CNTN4: variants seen among roughly 807,000 people sequenced by gnomAD.
CNTN4 encodes contactin 4.
A neutral mutation model predicts 122.5 loss-of-function variants in CNTN4; 77 were observed. The ratio of observed to expected loss-of-function variants is 0.63; its 90% CI spans 0.52 to 0.76. CNTN4 has a LOEUF of 0.76. Among genes scored for constraint, CNTN4 ranks in the 30% least tolerant of loss-of-function variants. The pLI is 0.00. For synonymous variants in CNTN4, 512 were observed against 447.0 expected (o/e 1.15, Z -1.83); for missense variants, 1,256 against 1,259.1 (o/e 1.00, Z 0.04).
intron 6 of CNTN4, among the ~76,000 whole-genome samples, chr3:2,768,043 A>G (rs1335073563): frequency 6.6e-6 from 1 of 152,250 alleles, no homozygotes; most frequent in African/African-American, 2.4e-5. Flanking sequence ...ACAGAAATGT[A>G]GGTAAAATGG....
In CNTN4 at chr3:2,616,636, G is replaced by A. The variant is rs140881408; in HGVS notation, c.55+45078G>A. Among the ~76,000 whole-genome samples the A allele has an allele frequency of 8.4e-4, 128 of 152,138 alleles. 1 individual carries two copies. In the East Asian group the frequency reaches 0.019, roughly 23 times the overall value. On this transcript the variant is annotated intron_variant, in intron 4 of 24. Coordinates refer to ENST00000418658, the MANE Select transcript of CNTN4 (RefSeq NM_175607.3). ...CCTATTTCTCCATAGTGTCACCAGC[G>A]TCTATTGTTTCTTGACTTTTTAATA...
intron 13 of CNTN4, among the ~76,000 whole-genome samples, chr3:2,943,457 C>T (rs905995707): frequency 5.3e-5 from 8 of 151,938 alleles, no homozygotes; most frequent in African/African-American, 9.7e-5. Flanking sequence ...AAGGAACACT[C>T]GGCAGGTTCT....
intron 13 of CNTN4, among the ~76,000 whole-genome samples, chr3:2,932,208 T>A (rs576883923): frequency 9.2e-5 from 14 of 152,044 alleles, no homozygotes; most frequent in African/African-American, 3.4e-4. Context: ...AAACCCTCTC[T>A]TTACTAAAAA....
chr3:2,873,780 G>A (rs984058421), intron 8 of CNTN4, among the ~76,000 whole-genome samples: 8 of 152,130 alleles, frequency 5.3e-5, no homozygotes, highest in East Asian at 1.9e-4. Context: ...GATTGGAGAC[G>A]TGATCTACAA....
At chr3:2,235,107 A>G (rs1378597293) in intron 2 of CNTN4, among the ~76,000 whole-genome samples, 2 of 152,170 alleles carry the variant, frequency 1.3e-5, no homozygotes, top group African/African-American at 4.8e-5. Flanking sequence ...GGCAGAGAAC[A>G]CCCGTAAGTT....
chr3:2,164,462 C>T (rs2036109207), intron 2 of CNTN4, among the ~76,000 whole-genome samples: 1 of 152,146 alleles, frequency 6.6e-6, no homozygotes, highest in Non-Finnish European at 1.5e-5. Context: ...AGGAGGAGAA[C>T]TAACAGATTA....
rs1029802716 is a variant in CNTN4 at position 3,037,326 on chromosome 3, C to T, written c.2090C>T (p.Ala697Val). 6.2e-7 allele frequency: 1 copy of T among 1,614,160 alleles called. No homozygotes were observed. The change falls in exon 18 of 25, where the codon GCT (alanine) becomes GTT (valine). Residue 697 changes from alanine (A) to valine (V), a missense_variant and splice_region_variant. Coordinates refer to ENST00000418658, the MANE Select transcript of CNTN4 (RefSeq NM_175607.3). ...TCAGAGAAACGGAGAACAGAAGAAG[C>T]TCGTGAGTAGCACCCGAGATTCAGA... is the stretch of plus-strand genomic sequence containing the variant. The part of the protein sequence containing the change: ...RPSEKRRTEE[A>V]LPEVTPANVS...
rs1373699420 is a variant in CNTN4 at position 2,900,773 on chromosome 3, T to C, written c.1029T>C (p.Pro343=). The C allele has an allele frequency of 1.9e-6, 3 of 1,613,868 alleles. No individual in the cohort carries two copies. The highest frequency in any genetic ancestry group is 1.7e-6 in the Non-Finnish European group (2 of 1,179,844). Residue 343 remains proline, a synonymous_variant, in exon 11 of 25, where the codon CCT becomes CCC. Coordinates refer to ENST00000418658, the MANE Select transcript of CNTN4 (RefSeq NM_175607.3). ...GGGAATGTAAAGCAAATGGAAGGCC[T>C]AAGCCTACATACAAGTGGCTAAAAA... ...VFWECKANGR[P]KPTYKWLKNG...
chr3:2,799,902 G>A (rs771034376), intron 6 of CNTN4, among the ~76,000 whole-genome samples: 17 of 151,964 alleles, frequency 1.1e-4, no homozygotes, highest in Non-Finnish European at 1.9e-4. Context: ...GCTTTCCCCA[G>A]TGTATATTTT....
At chr3:2,547,763 A>G (rs1248691895) in intron 3 of CNTN4, among the ~76,000 whole-genome samples, 1 of 152,142 alleles carries the variant, frequency 6.6e-6, no homozygotes, top group African/African-American at 2.4e-5. Context: ...CATCTAGAGA[A>G]CCATGAAACA....
intron 2 of CNTN4, among the ~76,000 whole-genome samples, chr3:2,206,867 G>A (rs965473143): frequency 7.1e-6 from 1 of 140,640 alleles, no homozygotes; most frequent in East Asian, 2.1e-4. Flanking sequence ...ACTGCACTTC[G>A]CAGATACTGC....
chr3:2,357,584 G>A (rs1392277639), intron 3 of CNTN4, among the ~76,000 whole-genome samples: 2 of 152,184 alleles, frequency 1.3e-5, no homozygotes, highest in African/African-American at 4.8e-5. Context: ...CCAGGCTGCA[G>A]AGAGATTGTT....
intron 2 of CNTN4, among the ~76,000 whole-genome samples, chr3:2,284,991 A>C (rs60129834): frequency 0.28 from 41,986 of 151,546 alleles, 6,592 homozygotes; most frequent in East Asian, 0.47. Flanking sequence ...TATTCTCTCT[A>C]TATATATTTT....
chr3:2,166,519 G>A (rs4685491), intron 2 of CNTN4, among the ~76,000 whole-genome samples: 62,484 of 151,586 alleles, frequency 0.41, 13,682 homozygotes, highest in East Asian at 0.67. Context: ...AATGAGTTCA[G>A]TAAAATATAT....
At chr3:2,256,034 A>G (rs2040576346) in intron 2 of CNTN4, among the ~76,000 whole-genome samples, 1 of 152,188 alleles carries the variant, frequency 6.6e-6, no homozygotes, top group Non-Finnish European at 1.5e-5. Context: ...CAAAATAGAT[A>G]GACTGCTAGC....
chr3:2,886,908 A>C (rs1234319067), intron 9 of CNTN4, 132 bp from the exon 10 acceptor site: 3 of 680,616 alleles, frequency 4.4e-6, no homozygotes, highest in South Asian at 1.7e-5. Flanking sequence ...GTTATAATGG[A>C]GATAGAGGAA....
intron 2 of CNTN4, among the ~76,000 whole-genome samples, chr3:2,138,054 A>ATTC (rs1269302170): frequency 3.4e-5 from 5 of 147,372 alleles, no homozygotes; most frequent in Admixed American, 6.8e-5. Context: ...ACCTCCCAAT[A>ATTC]TTCTTCTTCT....
chr3:2,465,596 G>C (rs1007741348), intron 3 of CNTN4, among the ~76,000 whole-genome samples: 4 of 152,110 alleles, frequency 2.6e-5, no homozygotes, highest in African/African-American at 9.7e-5. Context: ...AGAATTGCTT[G>C]AACCCGGGAG....
intron 3 of CNTN4, among the ~76,000 whole-genome samples, chr3:2,360,492 T>C (rs2045085089): frequency 6.6e-6 from 1 of 152,172 alleles, no homozygotes. Context: ...TATTGCATAA[T>C]ACTGAAAACT....
Sources: gnomAD v4.1 joint callset for allele counts (sites outside exome capture counted in the v4.1 genomes callset) on GRCh38, gnomAD v4.1.1 for gene constraint, MANE v1.5 for transcripts, NCBI Gene and HGNC (gene_info 2026-07-23, HGNC 2026-07-21) for gene names.